VPS13B: variants seen among roughly 807,000 people sequenced by gnomAD.
The protein encoded by VPS13B is vacuolar protein sorting 13 homolog B.
In VPS13B, 285 loss-of-function variants were observed where a neutral mutation model predicts 426.4. The ratio of observed to expected loss-of-function variants is 0.67; its 90% CI spans 0.61 to 0.74. The LOEUF (loss-of-function observed/expected upper bound fraction) is 0.74, where lower values mean the gene tolerates loss of function less well. Ranked by LOEUF, VPS13B falls within the 30% of genes least tolerant of loss-of-function variation. VPS13B has a pLI of 0.00. For missense variants in VPS13B, 4,537 were observed against 4,782.6 expected (o/e 0.95, Z 1.51); for synonymous variants, 1,676 against 1,676.4 (o/e 1.00, Z 0.01).
rs1846417789 is a variant in VPS13B at position 99,096,358 on chromosome 8, C to A, written c.338C>A (p.Ala113Asp). The A allele has an allele frequency of 6.2e-7, 1 of 1,613,928 alleles. No homozygotes were observed. Among genetic ancestry groups the A allele is most frequent in the South Asian group, 1.1e-5 (1 of 91,092 alleles). Residue 113 changes from alanine to aspartate, a missense_variant, in exon 4 of 62, where the codon GCT becomes GAT. Coordinates refer to ENST00000357162, the MANE Select transcript of VPS13B (RefSeq NM_152564.5). ...CGSNSTNRST[A>D]ESTKSSIKPR... ...TCTAATTCTACCAACCGTAGTACTG[C>A]TGAGAGCACAAAATCATCAATCAAA...
chr8:99,373,721 G>T (rs1374156655), intron 19 of VPS13B, among the ~76,000 whole-genome samples: 2 of 152,014 alleles, frequency 1.3e-5, no homozygotes, highest in East Asian at 3.9e-4. Flanking sequence ...AAATAGCCGG[G>T]TATGGTGGCA....
chr8:99,624,007 A>ATATATATATATATAT (rs1206203704), intron 33 of VPS13B, among the ~76,000 whole-genome samples: 1 of 101,122 alleles, frequency 9.9e-6, no homozygotes, highest in African/African-American at 4.4e-5. Flanking sequence ...ATATATATAT[A>ATATATATATATATAT]TTTTTTTTTT....
intron 24 of VPS13B, among the ~76,000 whole-genome samples, chr8:99,474,938 T>G (rs919393289): frequency 1.3e-5 from 2 of 152,084 alleles, no homozygotes. Flanking sequence ...TGGACACAAC[T>G]CACATGTTTA....
At chr8:99,696,658 C>G in intron 35 of VPS13B, 1 of 719,144 alleles carries the variant, frequency 1.4e-6, no homozygotes, top group East Asian at 2.8e-5. Context: ...CTCCAGGACA[C>G]CATCGAGGAG....
At chr8:99,392,201 C>T (rs1039327803) in intron 21 of VPS13B, among the ~76,000 whole-genome samples, 8 of 152,136 alleles carry the variant, frequency 5.3e-5, no homozygotes, top group South Asian at 2.1e-4. Context: ...TTCTTGAAAA[C>T]GACAGTACAC....
chr8:99,190,986 G>A (rs1200321847), intron 16 of VPS13B, among the ~76,000 whole-genome samples: 2 of 151,924 alleles, frequency 1.3e-5, no homozygotes, highest in African/African-American at 4.8e-5. Context: ...TGCTGGTGAG[G>A]AATTCTTCCC....
chr8:99,853,567 A>C lies in VPS13B; in HGVS notation c.10178A>C (p.Asn3393Thr). 2 of 1,614,186 alleles carry C rather than the reference A, an allele frequency of 1.2e-6. No homozygotes were observed. Among genetic ancestry groups the C allele is most frequent in the Non-Finnish European group, 1.7e-6 (2 of 1,180,048 alleles). Reference sequence around the variant, plus strand: ...GAGCTTCTGAGACTCACACTGGACAACATTTTTCTCTGTGTGGCCCCGGGA... The same window carrying C: ...GAGCTTCTGAGACTCACACTGGACACCATTTTTCTCTGTGTGGCCCCGGGA... Reference protein sequence around the residue: ...SAELLRLTLDNIFLCVAPGAG... With the variant: ...SAELLRLTLDTIFLCVAPGAG... Residue 3393 changes from asparagine (N) to threonine (T), a missense_variant, in exon 56 of 62, where the codon AAC becomes ACC. By Grantham distance (65) the Asn-to-Thr change is moderately conservative. Around this residue, in one of 2 missense-constraint regions of VPS13B, gnomAD observed 4,311 missense variants for 4,474.3 expected, o/e 0.96. Coordinates refer to ENST00000357162, the MANE Select transcript of VPS13B (RefSeq NM_152564.5).
intron 21 of VPS13B, among the ~76,000 whole-genome samples, chr8:99,425,662 G>C (rs1816657009): frequency 6.6e-6 from 1 of 152,156 alleles, no homozygotes; most frequent in Non-Finnish European, 1.5e-5. Flanking sequence ...GCACAAGACA[G>C]GGATGCCCTC....
At position 99,121,222 on chromosome 8, in the gene VPS13B, A is replaced by G. The variant is rs181625846; in HGVS notation, c.983A>G (p.His328Arg). The change falls in exon 8 of 62, where the codon CAT becomes CGT. Residue 328 changes from histidine (H) to arginine (R), a missense_variant. His to Arg is a conservative substitution (Grantham distance 29). Transcript: ENST00000357162. The part of the protein sequence containing the change: ...TRIDMQYPAQ[H>R]KGQELYSQQD... ...ATAGATATGCAATATCCTGCTCAGC[A>G]TAAAGGTCAAGAGTTATATTCACAG... 7.0e-4 allele frequency: 1,124 copies of G among 1,614,080 alleles called. No individual in the cohort carries two copies. The highest frequency in any genetic ancestry group is 9.2e-4 in the Admixed American group (55 of 60,016).
chr8:99,082,736 T>G (rs1020110585), intron 3 of VPS13B, among the ~76,000 whole-genome samples: 3 of 152,236 alleles, frequency 2.0e-5, no homozygotes, highest in African/African-American at 4.8e-5. Flanking sequence ...CCCCATTTCT[T>G]GTTTTTGTCA....
At chr8:99,073,163 C>A in intron 3 of VPS13B, among the ~76,000 whole-genome samples, 1 of 152,126 alleles carries the variant, frequency 6.6e-6, no homozygotes, top group Non-Finnish European at 1.5e-5. Context: ...CTGGGTCACA[C>A]CTGATGCTAG....
chr8:99,388,875 G>A (rs1032714371), intron 20 of VPS13B, among the ~76,000 whole-genome samples: 2 of 152,218 alleles, frequency 1.3e-5, no homozygotes, highest in Non-Finnish European at 2.9e-5. Context: ...AGTTGACTGG[G>A]CACAGTGGCT....
intron 23 of VPS13B, among the ~76,000 whole-genome samples, chr8:99,462,958 A>G (rs774307149): frequency 6.6e-6 from 1 of 152,184 alleles, no homozygotes; most frequent in Admixed American, 6.5e-5. Context: ...ATGGATGTCT[A>G]TTGTTTAAGC....
At chr8:99,422,349 T>C (rs568105672) in intron 21 of VPS13B, among the ~76,000 whole-genome samples, 117 of 152,316 alleles carry the variant, frequency 7.7e-4, no homozygotes, top group Non-Finnish European at 1.5e-3. Flanking sequence ...GTAGCTGTTT[T>C]GGTTAGTGGC....
At chr8:99,498,121 T>C (rs1483213810) in intron 25 of VPS13B, among the ~76,000 whole-genome samples, 1 of 152,152 alleles carries the variant, frequency 6.6e-6, no homozygotes, top group Non-Finnish European at 1.5e-5. Flanking sequence ...TACTTGATTT[T>C]TAAAAGCTCA....
chr8:99,364,458 G>A (rs1355860022), intron 19 of VPS13B, among the ~76,000 whole-genome samples: 2 of 151,826 alleles, frequency 1.3e-5, no homozygotes, highest in African/African-American at 4.8e-5. Context: ...TTTGAGACAA[G>A]GTCTCACTCT....
At chr8:99,511,016 TACTC>T in intron 28 of VPS13B, 84 bp from the exon 29 acceptor site, 2 of 1,452,028 alleles carry the variant, frequency 1.4e-6, no homozygotes, top group Admixed American at 1.7e-5. Context: ...GAGGTAAAAA[TACTC>T]ACTGAGGTCA....
At chr8:99,679,625 A>C (rs928358300) in intron 35 of VPS13B, among the ~76,000 whole-genome samples, 1 of 152,188 alleles carries the variant, frequency 6.6e-6, no homozygotes, top group African/African-American at 2.4e-5. Flanking sequence ...GCTTCCTCAT[A>C]GCACATAAGA....
intron 23 of VPS13B, among the ~76,000 whole-genome samples, chr8:99,463,587 T>C (rs1055344659): frequency 6.6e-6 from 1 of 152,240 alleles, no homozygotes; most frequent in African/African-American, 2.4e-5. Flanking sequence ...CTTCCTCTTC[T>C]ATGAAGATGG....
Sources: gnomAD v4.1 joint callset for allele counts (sites outside exome capture counted in the v4.1 genomes callset) on GRCh38, gnomAD v4.1.1 for gene constraint, gnomAD v4.1.1 regional missense constraint, MANE v1.5 for transcripts, NCBI Gene and HGNC (gene_info 2026-07-23, HGNC 2026-07-21) for gene names.